GULP1: variants seen among roughly 807,000 people sequenced by gnomAD.
GULP1 encodes GULP PTB domain containing engulfment adaptor 1.
GULP1 carries 19 observed loss-of-function variants against 40.9 expected under a neutral mutation model. That is an observed-to-expected ratio of 0.46 (90% CI 0.32 to 0.68). GULP1 has a LOEUF of 0.68. Ranked by LOEUF, GULP1 falls within the 30% of genes least tolerant of loss-of-function variation. The pLI, the probability that GULP1 is intolerant of heterozygous loss-of-function variation, is 0.03. For missense variants in GULP1, 312 were observed against 362.2 expected, an observed-to-expected ratio of 0.86 and a Z score of 1.12; for synonymous variants, 119 against 117.6, an observed-to-expected ratio of 1.01 and a Z score of -0.08.
In GULP1 at chr2:188,453,619, A is replaced by G. The variant is rs531173209; in HGVS notation, c.-44-24040A>G. Among the ~76,000 whole-genome samples the G allele has an allele frequency of 1.8e-4, 28 of 152,324 alleles. No individual in the cohort carries two copies. The South Asian group carries it at 5.0e-3, about 27-fold the overall frequency. ...CTTTTCATTGAGTAAAGGCTAAATA[A>G]TAACAGTTATTGACATATTCCAAGA... On this transcript the variant is annotated intron_variant, in intron 2 of 11. Coordinates refer to ENST00000409830, the MANE Select transcript of GULP1 (RefSeq NM_016315.4).
chr2:188,522,588 G>C, intron 4 of GULP1, 168 bp from the exon 5 acceptor site: 1 of 205,660 alleles, frequency 4.9e-6, no homozygotes, highest in Admixed American at 5.8e-5. Flanking sequence ...ATAAAGTTTA[G>C]TTACATTTTC....
chr2:188,538,515 T>C (rs1689530657), intron 6 of GULP1, among the ~76,000 whole-genome samples: 1 of 152,138 alleles, frequency 6.6e-6, no homozygotes, highest in African/African-American at 2.4e-5. Context: ...ATTTACCCTA[T>C]GTTACATACG....
At chr2:188,572,279 C>T (rs1699210075) in intron 9 of GULP1, among the ~76,000 whole-genome samples, 1 of 152,084 alleles carries the variant, frequency 6.6e-6, no homozygotes, top group Non-Finnish European at 1.5e-5. Context: ...TAGCAATTCT[C>T]ATTAGTAGAG....
At chr2:188,356,883 A>G (rs1421192629) in intron 1 of GULP1, among the ~76,000 whole-genome samples, 2 of 152,162 alleles carry the variant, frequency 1.3e-5, no homozygotes, top group African/African-American at 4.8e-5. Context: ...GGAATAGAAT[A>G]GAGAACCCAT....
intron 11 of GULP1, chr2:188,592,707 C>T (rs1239830086): frequency 6.6e-6 from 1 of 151,946 alleles, no homozygotes; most frequent in Non-Finnish European, 1.5e-5. Context: ...CTACCTTCCT[C>T]CTCTATATGA....
intron 2 of GULP1, among the ~76,000 whole-genome samples, chr2:188,443,398 A>G (rs2058102241): frequency 6.6e-6 from 1 of 152,194 alleles, no homozygotes; most frequent in African/African-American, 2.4e-5. Flanking sequence ...CTAAAGCCAC[A>G]TCTATCACAT....
At chr2:188,305,250 G>A (rs2036851518) in intron 1 of GULP1, among the ~76,000 whole-genome samples, 1 of 152,178 alleles carries the variant, frequency 6.6e-6, no homozygotes, top group South Asian at 2.1e-4. Context: ...GGACTTACAT[G>A]CCTTCCCTGG....
At chr2:188,431,585 T>A (rs1043700282) in intron 2 of GULP1, among the ~76,000 whole-genome samples, 2 of 152,194 alleles carry the variant, frequency 1.3e-5, no homozygotes, top group African/African-American at 4.8e-5. Context: ...ATTAGCATAT[T>A]TTAATGTAAA....
intron 1 of GULP1, among the ~76,000 whole-genome samples, chr2:188,382,705 G>A (rs1267941884): frequency 6.6e-6 from 1 of 152,084 alleles, no homozygotes; most frequent in Admixed American, 6.5e-5. Flanking sequence ...GGCCAACATG[G>A]CGAAACCCCC....
At chr2:188,581,303 T>C (rs1274004863) in intron 9 of GULP1, among the ~76,000 whole-genome samples, 3 of 152,164 alleles carry the variant, frequency 2.0e-5, no homozygotes, top group Non-Finnish European at 4.4e-5. Context: ...CAGGAACCTT[T>C]TGTTCAGGAG....
At chr2:188,366,171 A>G (rs2046755851) in intron 1 of GULP1, among the ~76,000 whole-genome samples, 1 of 152,166 alleles carries the variant, frequency 6.6e-6, no homozygotes. Flanking sequence ...GGGCCTGTAA[A>G]GGAGGAAAGG....
chr2:188,502,871 C>T (rs1310868075), intron 4 of GULP1, among the ~76,000 whole-genome samples: 2 of 151,832 alleles, frequency 1.3e-5, no homozygotes, highest in Admixed American at 1.3e-4. Flanking sequence ...GATTGGCAGG[C>T]TTAATGTCTG....
chr2:188,450,352 A>G (rs1165125232), intron 2 of GULP1, among the ~76,000 whole-genome samples: 1 of 152,182 alleles, frequency 6.6e-6, no homozygotes, highest in Non-Finnish European at 1.5e-5. Flanking sequence ...TTAAGTGTGT[A>G]TAATACAGTT....
At chr2:188,552,109 A>G (rs560654221) in intron 7 of GULP1, among the ~76,000 whole-genome samples, 4 of 151,624 alleles carry the variant, frequency 2.6e-5, no homozygotes, top group Admixed American at 2.6e-4. Context: ...ATTTTCTCCA[A>G]TTCAAAAGTT....
rs546524903 is a variant in GULP1 at position 188,464,166 on chromosome 2, T to C, written c.-44-13493T>C. 1.5e-4 allele frequency among the ~76,000 whole-genome samples: 23 copies of C among 152,300 alleles called. 1 individual carries two copies. The highest frequency in any genetic ancestry group is 5.3e-4 in the African/African-American group (22 of 41,566). On this transcript the variant is annotated intron_variant, in intron 2 of 11. Coordinates refer to ENST00000409830, the MANE Select transcript of GULP1 (RefSeq NM_016315.4). ...GTATGCATCCTTCTTGGGCAGGCTT[T>C]CCAGATATTCAAAATGACTTAGTTG...
intron 11 of GULP1, 107 bp downstream of exon 11, chr2:188,588,056 T>C (rs1702770553): frequency 4.1e-6 from 3 of 736,358 alleles, no homozygotes; most frequent in African/African-American, 1.8e-5. Context: ...ATTTTCGCTA[T>C]AAAAACTCGC....
intron 2 of GULP1, among the ~76,000 whole-genome samples, chr2:188,440,340 G>A (rs1333392571): frequency 6.6e-6 from 1 of 152,076 alleles, no homozygotes; most frequent in Non-Finnish European, 1.5e-5. Context: ...TAAAAGCCAG[G>A]TTGTCTAAAA....
chr2:188,456,961 T>C (rs2059318647), intron 2 of GULP1, among the ~76,000 whole-genome samples: 1 of 152,078 alleles, frequency 6.6e-6, no homozygotes, highest in Non-Finnish European at 1.5e-5. Context: ...AAGATTTGAA[T>C]CCCCCACTGG....
At chr2:188,485,105 C>T (rs2153069629) in intron 4 of GULP1, among the ~76,000 whole-genome samples, 1 of 152,114 alleles carries the variant, frequency 6.6e-6, no homozygotes, top group South Asian at 2.1e-4. Flanking sequence ...TTTATATTAT[C>T]AATCATAGTG....
Sources: gnomAD v4.1 joint callset for allele counts (sites outside exome capture counted in the v4.1 genomes callset) on GRCh38, gnomAD v4.1.1 for gene constraint, MANE v1.5 for transcripts, NCBI Gene and HGNC (gene_info 2026-07-23, HGNC 2026-07-21) for gene names.